Variants in ODAD1 observed in about 807,000 individuals in gnomAD.
The protein encoded by ODAD1 is outer dynein arm docking complex subunit 1, also known as outer dynein arm-docking complex subunit 1.
ODAD1 carries 49 observed loss-of-function variants against 67.2 expected under a neutral mutation model. The observed-to-expected ratio is 0.73, with a 90% CI of 0.58 to 0.92. ODAD1 has a LOEUF of 0.92. Ranked by LOEUF, ODAD1 falls within the 40% of genes least tolerant of loss-of-function variation. The pLI is 0.00. For missense variants in ODAD1, 897 were observed against 953.7 expected (o/e 0.94, Z 0.78); for synonymous variants, 345 against 393.7 (o/e 0.88, Z 1.46).
At chr19:48,311,199 G>A (rs902104187) in intron 7 of ODAD1, among the ~76,000 whole-genome samples, 12 of 152,154 alleles carry the variant, frequency 7.9e-5, no homozygotes, top group Non-Finnish European at 1.2e-4. Context: ...ACGACAGAGT[G>A]AGACTCATCT....
At chr19:48,314,063 C>T (rs191708368) in intron 5 of ODAD1, among the ~76,000 whole-genome samples, 58 of 151,814 alleles carry the variant, frequency 3.8e-4, no homozygotes, top group African/African-American at 1.2e-3. Flanking sequence ...GCCAACATGG[C>T]GAAACCCCAT....
At chr19:48,311,917 C>A in intron 6 of ODAD1, 77 bp downstream of exon 6, 1 of 1,387,536 alleles carries the variant, frequency 7.2e-7, no homozygotes, top group South Asian at 1.3e-5. Context: ...CCCAGCATTT[C>A]CAGAATCCAA....
intron 9 of ODAD1, 60 bp from the exon 10 acceptor site, chr19:48,303,844 TGGGTGAG>T: frequency 4.4e-6 from 7 of 1,576,340 alleles, no homozygotes; most frequent in Non-Finnish European, 6.0e-6. Flanking sequence ...AGAGACCTCC[TGGGTGAG>T]GGGGAGCGAA....
chr19:48,301,679 C>T (rs1423429120), intron 12 of ODAD1, among the ~76,000 whole-genome samples: 1 of 151,540 alleles, frequency 6.6e-6, no homozygotes, highest in African/African-American at 2.4e-5. Flanking sequence ...GGCAGATGGA[C>T]AGATAGACAA....
chr19:48,310,264 A>G (rs1968721928), intron 7 of ODAD1, among the ~76,000 whole-genome samples: 1 of 151,940 alleles, frequency 6.6e-6, no homozygotes, highest in Admixed American at 6.6e-5. Context: ...AGATAAACCC[A>G]TGTCAGGGGA....
At position 48,306,328 on chromosome 19, in the gene ODAD1, G is replaced by C. The variant is rs10416590; in HGVS notation, c.598-5C>G. 100 of 1,550,206 alleles carry C rather than the reference G, an allele frequency of 6.5e-5. No individual in the cohort carries two copies. The highest frequency in any genetic ancestry group is 8.3e-5 in the South Asian group (7 of 84,012). On this transcript the variant is annotated splice_region_variant and splice_polypyrimidine_tract_variant and intron_variant, in intron 7 of 15. Coordinates refer to ENST00000674294, the MANE Select transcript of ODAD1 (RefSeq NM_001364171.2). ...GTGATGCAGGTGGTGGATCTCCTGT[G>C]GGGGGAGGAGAAAAAAATCAGTGCC... is the stretch of plus-strand genomic sequence containing the variant.
intron 5 of ODAD1, among the ~76,000 whole-genome samples, chr19:48,314,823 C>A (rs1378791855): frequency 6.6e-6 from 1 of 151,978 alleles, no homozygotes; most frequent in East Asian, 2.0e-4. Context: ...TGACTGTAAT[C>A]CCAGCTACTC....
chr19:48,304,194 G>A, intron 8 of ODAD1, 54 bp from the exon 9 acceptor site: 2 of 1,524,920 alleles, frequency 1.3e-6, no homozygotes, highest in South Asian at 1.2e-5. Context: ...GGGTCGGCCT[G>A]GGGTCCTGGG....
At chr19:48,297,915 C>T in intron 14 of ODAD1, 85 bp downstream of exon 14, 2 of 1,132,080 alleles carry the variant, frequency 1.8e-6, no homozygotes, top group East Asian at 2.5e-5. Flanking sequence ...TCCCCAAAAG[C>T]CCCCCAAAAC....
chr19:48,320,150 C>T, intron 3 of ODAD1, 149 bp downstream of exon 3: 1 of 864,868 alleles, frequency 1.2e-6, no homozygotes, highest in Non-Finnish European at 1.5e-6. Context: ...ACCGTGGTGC[C>T]CGCCCCGCCT....
intron 12 of ODAD1, among the ~76,000 whole-genome samples, chr19:48,298,826 C>T (rs926671149): frequency 3.9e-5 from 6 of 152,160 alleles, no homozygotes; most frequent in South Asian, 2.1e-4. Context: ...GTGCCCAGTG[C>T]GCAGGTCAGT....
rs774702006 is a variant in ODAD1, at chr19:48,297,439, C to G, written c.1661G>C (p.Ser554Thr). 85 of 1,603,288 alleles carry G rather than the reference C, an allele frequency of 5.3e-5. No individual in the cohort carries two copies. Among genetic ancestry groups the G allele is most frequent in the Non-Finnish European group, 6.5e-5 (77 of 1,178,708 alleles). Residue 554 changes from serine to threonine, a missense_variant, in exon 16 of 16, where the codon AGC (serine) becomes ACC (threonine). By Grantham distance (58) the Ser-to-Thr change is moderately conservative (BLOSUM62 1). Transcript: ENST00000674294. ...CCTCTGGGTGCTGGCCAGGTCCACG[C>G]TCAGGGTGCCGTCCAGCTTCGCGGC... Reference protein sequence around the residue: ...AAAAKLDGTLSVDLASTQRAG... With the variant: ...AAAAKLDGTLTVDLASTQRAG...
At chr19:48,297,804 G>T (rs1968344663) in intron 14 of ODAD1, 136 bp from the exon 15 acceptor site, 1 of 922,606 alleles carries the variant, frequency 1.1e-6, no homozygotes, top group South Asian at 1.8e-5. Context: ...GGGCACCCGG[G>T]GCCCCATCCT....
At chr19:48,318,088 G>C (rs249378) in intron 5 of ODAD1, among the ~76,000 whole-genome samples, 35 of 151,818 alleles carry the variant, frequency 2.3e-4, no homozygotes, top group Non-Finnish European at 4.4e-4. Context: ...CAAAACAAAA[G>C]AAAAACTATT....
intron 12 of ODAD1, among the ~76,000 whole-genome samples, chr19:48,302,325 A>ATGG (rs1392663165): frequency 7.9e-5 from 12 of 151,934 alleles, no homozygotes; most frequent in Middle Eastern, 3.4e-3. Context: ...ATAGACTCTG[A>ATGG]ATGGATGGAT....
intron 7 of ODAD1, among the ~76,000 whole-genome samples, chr19:48,308,257 C>G (rs1267314657): frequency 6.6e-6 from 1 of 152,066 alleles, no homozygotes; most frequent in East Asian, 1.9e-4. Context: ...TCACTGCAGC[C>G]TCCAGCTCCC....
intron 1 of ODAD1, among the ~76,000 whole-genome samples, chr19:48,321,029 G>C (rs1253984634): frequency 6.6e-6 from 1 of 152,214 alleles, no homozygotes; most frequent in African/African-American, 2.4e-5. Context: ...TTGAGGTCAC[G>C]AGTTCGAGAC....
In ODAD1 at chr19:48,297,097, C is replaced by T; in HGVS notation, c.2003G>A (p.Ser668Asn). The change falls in exon 16 of 16, where the codon AGC (serine) becomes AAC (asparagine). Residue 668 changes from serine to asparagine, a missense_variant. Transcript: ENST00000674294. ...GGENTEGGVE[S>N]GGTASDSSGG... ...GCTCGAATCAGACGCTGTGCCTCCGCTCTCCACACCACCCTCTGTGTTTTC... is the reference window on the plus strand; with the variant it reads ...GCTCGAATCAGACGCTGTGCCTCCGTTCTCCACACCACCCTCTGTGTTTTC... 6.2e-7 allele frequency: 1 copy of T among 1,613,568 alleles called. No homozygotes were observed. The highest frequency in any genetic ancestry group is 1.1e-5 in the South Asian group (1 of 91,080).
intron 12 of ODAD1, among the ~76,000 whole-genome samples, chr19:48,300,261 C>T (rs147695504): frequency 0.015 from 2,291 of 152,170 alleles, 47 homozygotes; most frequent in African/African-American, 0.052. Flanking sequence ...CGAGATTGTG[C>T]CACTGCACTC....
Sources: allele counts gnomAD v4.1 joint callset (sites outside exome capture counted in the v4.1 genomes callset), GRCh38; gene constraint gnomAD v4.1.1; transcripts MANE v1.5; gene names NCBI Gene and HGNC (gene_info 2026-07-23, HGNC 2026-07-21).